Variants in ROBO2 observed in about 807,000 individuals in gnomAD.
The protein encoded by ROBO2 is roundabout homolog 2.
Under a neutral mutation model 160.8 loss-of-function variants are expected in ROBO2, and 53 were observed. The ratio of observed to expected loss-of-function variants is 0.33; its 90% CI spans 0.26 to 0.41. The LOEUF is 0.41. Among genes scored for constraint, ROBO2 ranks in the 10% least tolerant of loss-of-function variants. ROBO2 has a pLI of 1.00. For synonymous variants in ROBO2, 664 were observed against 611.7 expected (o/e 1.09, Z -1.26); for missense variants, 1,577 against 1,722.4 (o/e 0.92, Z 1.49).
chr3:76,713,031 A>G (rs264544), intron 2 of ROBO2, among the ~76,000 whole-genome samples: 10,880 of 152,262 alleles, frequency 0.071, 468 homozygotes, highest in East Asian at 0.11. Flanking sequence ...AAACTGTGCC[A>G]TAAAGGCACT....
intron 2 of ROBO2, among the ~76,000 whole-genome samples, chr3:76,798,093 G>A (rs2063834396): frequency 1.1e-5 from 1 of 92,674 alleles, no homozygotes; most frequent in Non-Finnish European, 2.3e-5. Context: ...AACAGACAAA[G>A]ACACATTAAA....
intron 2 of ROBO2, among the ~76,000 whole-genome samples, chr3:77,139,087 C>G (rs2076503101): frequency 6.6e-6 from 1 of 151,950 alleles, no homozygotes. Flanking sequence ...ATCACTGAAT[C>G]TATAGTACAA....
At chr3:77,277,914 G>A (rs773477236) in intron 2 of ROBO2, among the ~76,000 whole-genome samples, 19 of 152,024 alleles carry the variant, frequency 1.2e-4, no homozygotes, top group Admixed American at 6.6e-5. Flanking sequence ...AATAATTTAC[G>A]TTACCACCAA....
intron 2 of ROBO2, among the ~76,000 whole-genome samples, chr3:76,027,428 A>T (rs2066781997): frequency 6.6e-6 from 1 of 151,862 alleles, no homozygotes. Context: ...AATTTCAATT[A>T]ATAAGTTAAT....
At chr3:76,059,163 C>T (rs1010083192) in intron 2 of ROBO2, among the ~76,000 whole-genome samples, 1 of 151,466 alleles carries the variant, frequency 6.6e-6, no homozygotes, top group African/African-American at 2.4e-5. Context: ...GGGTATATAC[C>T]CAGTAATGGG....
chr3:76,361,170 A>C (rs570990301), intron 2 of ROBO2, among the ~76,000 whole-genome samples: 22 of 152,162 alleles, frequency 1.4e-4, no homozygotes, highest in African/African-American at 4.8e-4. Flanking sequence ...GAACAGTCTA[A>C]AGTGGGCCCT....
In ROBO2 at chr3:76,273,120, A is replaced by T. The variant is rs7355863; in HGVS notation, c.109+335518A>T. ...ACACACATATACACACACACATATA[A>T]ATATATATATATATATATATATATA... On this transcript the variant is annotated intron_variant, in intron 2 of 26. Transcript: ENST00000487694. 1.6e-3 allele frequency among the ~76,000 whole-genome samples: 53 copies of T among 32,312 alleles called. 4 individuals carry two copies. The highest frequency in any genetic ancestry group is 4.3e-3 in the Non-Finnish European group (27 of 6,328). 21.2% of individuals were successfully genotyped at this position (32,312 alleles called of 152,430 possible). A position where few individuals can be genotyped will look rare whatever the true frequency, so the allele number is the denominator to read the frequency against.
At chr3:77,590,857 T>C (rs950825365) in intron 17 of ROBO2, among the ~76,000 whole-genome samples, 1 of 152,138 alleles carries the variant, frequency 6.6e-6, no homozygotes, top group Non-Finnish European at 1.5e-5. Flanking sequence ...TGTTGATCAT[T>C]GAGCTTGACA....
At chr3:77,338,727 T>C (rs975276028) in intron 2 of ROBO2, among the ~76,000 whole-genome samples, 2 of 152,192 alleles carry the variant, frequency 1.3e-5, no homozygotes, top group African/African-American at 4.8e-5. Flanking sequence ...TTAAAAATGC[T>C]AATATATTTA....
At chr3:77,632,588 C>T in intron 23 of ROBO2, 1 of 1,535,762 alleles carries the variant, frequency 6.5e-7, no homozygotes, top group Non-Finnish European at 8.7e-7. Flanking sequence ...GGCAGTTTTG[C>T]ACAAGCACTG....
intron 2 of ROBO2, among the ~76,000 whole-genome samples, chr3:76,185,776 AT>A (rs1701733088): frequency 6.6e-6 from 1 of 152,120 alleles, no homozygotes; most frequent in African/African-American, 2.4e-5. Flanking sequence ...ACTCCTGAAC[AT>A]TTTTGACAAT....
chr3:76,238,045 C>T lies in ROBO2; in HGVS notation c.109+300443C>T, dbSNP rs983607961. Among the ~76,000 whole-genome samples, 3 of 152,140 alleles carry T rather than the reference C, an allele frequency of 2.0e-5. No individual in the cohort carries two copies. In the East Asian group the frequency reaches 5.8e-4, roughly 29 times the overall value. The stretch of plus-strand genomic sequence containing the variant: ...TACTCTAAAATGCCATGCACATTAT[C>T]ACATTATGGGTACTATGGCAAAAAG... On this transcript the variant is annotated intron_variant, in intron 2 of 26. Transcript: ENST00000487694.
At chr3:77,236,419 TGAAA>T (rs1256687008) in intron 2 of ROBO2, among the ~76,000 whole-genome samples, 5 of 152,280 alleles carry the variant, frequency 3.3e-5, no homozygotes, top group East Asian at 3.9e-4. Context: ...TCCTGAAATC[TGAAA>T]GAGAGGAGGG....
rs574378259 is a variant in ROBO2, at chr3:76,875,968, T to C, written c.110-222046T>C. Among the ~76,000 whole-genome samples, 6 of 152,128 alleles carry C rather than the reference T, an allele frequency of 3.9e-5. No homozygotes were observed. The South Asian group carries it at 8.4e-4, about 21-fold the overall frequency. ...CACACCTAGCCCTGCCTCCTTCTTA[T>C]AAAGACCCTATGATTACATTGGGCC... On this transcript the variant is annotated intron_variant, in intron 2 of 26. Transcript: ENST00000487694.
intron 2 of ROBO2, among the ~76,000 whole-genome samples, chr3:77,245,591 T>C (rs2089631089): frequency 6.6e-6 from 1 of 152,218 alleles, no homozygotes; most frequent in Non-Finnish European, 1.5e-5. Context: ...ACGTACTGAC[T>C]CATTTAGCTC....
intron 10 of ROBO2, 142 bp from the exon 12 acceptor site, chr3:77,563,025 C>T (rs2093373654): frequency 2.7e-6 from 2 of 753,770 alleles, no homozygotes; most frequent in South Asian, 3.3e-5. Flanking sequence ...GAGAAGCAAA[C>T]ATTCACTTAC....
intron 2 of ROBO2, among the ~76,000 whole-genome samples, chr3:76,030,416 G>A (rs910258244): frequency 6.6e-6 from 1 of 152,158 alleles, no homozygotes; most frequent in Admixed American, 6.6e-5. Context: ...GTTGCTTTTG[G>A]TGTTTTAGTC....
At chr3:77,586,174 A>G (rs1468974312) in intron 16 of ROBO2, among the ~76,000 whole-genome samples, 1 of 152,172 alleles carries the variant, frequency 6.6e-6, no homozygotes, top group Non-Finnish European at 1.5e-5. Context: ...CATAGTGTCC[A>G]TAATTCTGCA....
At chr3:75,954,557 C>G (rs1379610138) in intron 2 of ROBO2, among the ~76,000 whole-genome samples, 7 of 151,818 alleles carry the variant, frequency 4.6e-5, no homozygotes, top group Non-Finnish European at 7.4e-5. Context: ...CGTTATGTCC[C>G]CACCCCTAAC....
Sources: allele counts gnomAD v4.1 joint callset (sites outside exome capture counted in the v4.1 genomes callset), GRCh38; gene constraint gnomAD v4.1.1; transcripts MANE v1.5; gene names NCBI Gene and HGNC (gene_info 2026-07-23, HGNC 2026-07-21).